USF3: variants seen among roughly 807,000 people sequenced by gnomAD.
The protein encoded by USF3 is upstream transcription factor family member 3.
In USF3, 29 loss-of-function variants were observed where a neutral mutation model predicts 157.5. The observed-to-expected ratio is 0.18, with a 90% CI of 0.14 to 0.25. USF3 has a LOEUF of 0.25. Ranked by LOEUF, USF3 falls within the 10% of genes least tolerant of loss-of-function variation. The pLI is 1.00. For synonymous variants in USF3, 893 were observed against 941.4 expected, an observed-to-expected ratio of 0.95 and a Z score of 0.94; for missense variants, 2,381 against 2,667.6, an observed-to-expected ratio of 0.89 and a Z score of 2.37.
In USF3 at chr3:113,649,712, T is replaced by C. The variant is rs1208001270; in HGVS notation, c.*5232A>G. 6.3e-6 allele frequency: 4 copies of C among 636,382 alleles called. No individual in the cohort carries two copies. The highest frequency in any genetic ancestry group is 2.8e-6 in the Non-Finnish European group (1 of 357,212). 39.4% of individuals were successfully genotyped at this position (636,382 alleles called of 1,614,324 possible). A position where few individuals can be genotyped will look rare whatever the true frequency, so the allele number is the denominator to read the frequency against. ...TAAAGACCAGAGGCACAGTTTCAGG[T>C]AAAGTGCAGGAACAGGGTAGAGGCT... is the stretch of plus-strand genomic sequence containing the variant. On this transcript the variant is annotated 3_prime_UTR_variant, in exon 7 of 7. Coordinates refer to ENST00000316407, the MANE Select transcript of USF3 (RefSeq NM_001009899.4).
intron 1 of USF3, among the ~76,000 whole-genome samples, chr3:113,695,903 G>A (rs906686590): frequency 1.3e-5 from 2 of 152,198 alleles, no homozygotes; most frequent in Non-Finnish European, 2.9e-5. Flanking sequence ...AGGGGTGAGA[G>A]GGAAAAAGCA....
At chr3:113,694,383 T>C (rs1427280465) in intron 1 of USF3, among the ~76,000 whole-genome samples, 1 of 152,194 alleles carries the variant, frequency 6.6e-6, no homozygotes, top group Admixed American at 6.5e-5. Flanking sequence ...GTTCATTGAG[T>C]GTAAGGTCTA....
At chr3:113,685,085 G>C (rs1285546659) in intron 1 of USF3, among the ~76,000 whole-genome samples, 1 of 152,214 alleles carries the variant, frequency 6.6e-6, no homozygotes, top group Non-Finnish European at 1.5e-5. Context: ...GCACTCCCAA[G>C]TCCAGTAATG....
In USF3 at chr3:113,656,715, G is replaced by T; in HGVS notation, c.4967C>A (p.Thr1656Asn). 6.2e-7 allele frequency: 1 copy of T among 1,614,104 alleles called. No individual in the cohort carries two copies. Among genetic ancestry groups the T allele is most frequent in the Non-Finnish European group, 8.5e-7 (1 of 1,179,992 alleles). ...TCTATTTCTCTCTGGCCTGTGTGGA[G>T]TACAGGTCATGTCTGAAGATCTAGT... ...IVTRSSDMTC[T>N]PHRPERNRVS... The change falls in exon 7 of 7, where the codon ACT becomes AAT. Residue 1656 changes from threonine (T) to asparagine (N), a missense_variant. Physicochemically the swap from Thr to Asn is moderately conservative, Grantham distance 65 (BLOSUM62 0). Around this residue, in one of 6 missense-constraint regions of USF3, gnomAD observed 770 missense variants for 824.2 expected, o/e 0.93. Coordinates refer to ENST00000316407, the MANE Select transcript of USF3 (RefSeq NM_001009899.4).
chr3:113,674,529 G>A (rs572071836), intron 3 of USF3, among the ~76,000 whole-genome samples: 35 of 152,216 alleles, frequency 2.3e-4, no homozygotes, highest in South Asian at 2.1e-3. Flanking sequence ...TTTTAGTAGA[G>A]ATGGGGTTTC....
intron 5 of USF3, among the ~76,000 whole-genome samples, chr3:113,665,542 C>A (rs1483369452): frequency 6.6e-6 from 1 of 152,148 alleles, no homozygotes; most frequent in East Asian, 1.9e-4. Context: ...AAAACTCAGA[C>A]AAGGCCAGGC....
At position 113,655,833 on chromosome 3, in the gene USF3, G is replaced by A. The variant is rs913882021; in HGVS notation, c.5849C>T (p.Ala1950Val). The A allele has an allele frequency of 2.5e-6, 4 of 1,614,048 alleles. No homozygotes were observed. The highest frequency in any genetic ancestry group is 1.1e-5 in the South Asian group (1 of 91,090). ...TTNMHGVARP[A>V]LPHPSVSHGN... is the part of the protein sequence containing the mutation. ...ATGAGACACAGATGGATGTGGCAAC[G>A]CTGGCCTTGCAACCCCATGCATGTT... Residue 1950 changes from alanine (A) to valine (V), a missense_variant, in exon 7 of 7, where the codon GCG (alanine) becomes GTG (valine). By Grantham distance (64) the Ala-to-Val change is moderately conservative. This residue lies in a region of USF3 where 770 missense variants were observed against 824.2 expected (regional missense o/e 0.93). Coordinates refer to ENST00000316407, the MANE Select transcript of USF3 (RefSeq NM_001009899.4).
chr3:113,689,643 T>C (rs1332729122), intron 1 of USF3, among the ~76,000 whole-genome samples: 1 of 152,176 alleles, frequency 6.6e-6, no homozygotes, highest in Non-Finnish European at 1.5e-5. Context: ...ACAAGTCTAT[T>C]TCTCTCCTCA....
rs753478181 is a variant in USF3 at position 113,659,495 on chromosome 3, C to A, written c.2187G>T (p.Leu729Phe). ...SQMAGQSCVQ[L>F]SISQPANSQT... ...GAGAATTGGCAGGCTGGCTAATAGA[C>A]AATTGTACACAGCTTTGCCCAGCCA... The change falls in exon 7 of 7, where the codon TTG (leucine) becomes TTT (phenylalanine). Residue 729 changes from leucine to phenylalanine, a missense_variant. Around this residue, in one of 6 missense-constraint regions of USF3, gnomAD observed 1,435 missense variants for 1,550.9 expected, o/e 0.93. Coordinates refer to ENST00000316407, the MANE Select transcript of USF3 (RefSeq NM_001009899.4). The A allele has an allele frequency of 6.2e-7, 1 of 1,614,186 alleles. No homozygotes were observed. Among genetic ancestry groups the A allele is most frequent in the Non-Finnish European group, 8.5e-7 (1 of 1,180,032 alleles).
intron 5 of USF3, among the ~76,000 whole-genome samples, chr3:113,668,970 C>G (rs1039481166): frequency 2.0e-5 from 3 of 151,940 alleles, no homozygotes; most frequent in Admixed American, 1.3e-4. Context: ...TTTGACCTTA[C>G]AGAAAACTCT....
In USF3 at chr3:113,652,593, T is replaced by C. The variant is rs1947283487; in HGVS notation, c.*2351A>G. 1 of 151,190 alleles carries C rather than the reference T, an allele frequency of 6.6e-6. No individual in the cohort carries two copies. Among genetic ancestry groups the C allele is most frequent in the Non-Finnish European group, 1.5e-5 (1 of 67,862 alleles). The allele number at this position is 151,190 out of a possible 1,614,324, so 9.4% of individuals were successfully genotyped here. ...AGGCACAAATGACCCTTTTGCTGAG[T>C]CTTTAGAAGAGGTATTCACTGGAGT... On this transcript the variant is annotated 3_prime_UTR_variant, in exon 7 of 7. Transcript: ENST00000316407.
intron 6 of USF3, among the ~76,000 whole-genome samples, chr3:113,662,099 G>T (rs1236156878): frequency 3.3e-5 from 5 of 152,214 alleles, no homozygotes; most frequent in African/African-American, 1.2e-4. Context: ...TGCCTGCCTT[G>T]GCCTCCCAAA....
chr3:113,658,341 C>T lies in USF3; in HGVS notation c.3341G>A (p.Ser1114Asn). The change falls in exon 7 of 7, where the codon AGC becomes AAC. Residue 1114 changes from serine to asparagine, a missense_variant. By Grantham distance (46) the Ser-to-Asn change is conservative. Coordinates refer to ENST00000316407, the MANE Select transcript of USF3 (RefSeq NM_001009899.4). ...GTCACATGTATTAGTTGTTGCATTG[C>T]TGGTCACATCTTCTCTTGTTGTTTC... ...LPETTREDVTSNATTNTCDSC... is the reference protein window; with the variant it reads ...LPETTREDVTNNATTNTCDSC... 2 of 1,614,148 alleles carry T rather than the reference C, an allele frequency of 1.2e-6. No homozygotes were observed. The highest frequency in any genetic ancestry group is 1.7e-5 in the Admixed American group (1 of 60,018).
chr3:113,656,279 T>G lies in USF3; in HGVS notation c.5403A>C (p.Pro1801=). The G allele has an allele frequency of 6.2e-7, 1 of 1,614,212 alleles. No individual in the cohort carries two copies. Among genetic ancestry groups the G allele is most frequent in the Non-Finnish European group, 8.5e-7 (1 of 1,180,032 alleles). ...CCCTTGATGGAATACCATTTCCTGT[T>G]GGGATGCTCTGAACTGGTGGGTAAG... ...RLSYPPVQSI[P]TGNGIPSRDS... The change falls in exon 7 of 7, where the codon CCA becomes CCC. Residue 1801 remains proline, a synonymous_variant. Coordinates refer to ENST00000316407, the MANE Select transcript of USF3 (RefSeq NM_001009899.4).
chr3:113,658,416 G>A lies in USF3; in HGVS notation c.3266C>T (p.Ser1089Leu). 1.9e-6 allele frequency: 3 copies of A among 1,614,138 alleles called. No homozygotes were observed. Among genetic ancestry groups the A allele is most frequent in the Non-Finnish European group, 2.5e-6 (3 of 1,180,044 alleles). Residue 1089 changes from serine to leucine, a missense_variant, in exon 7 of 7, where the codon TCA becomes TTA. This residue lies in a region of USF3 where 1,435 missense variants were observed against 1,550.9 expected (regional missense o/e 0.93). Transcript: ENST00000316407. ...ACTACGACTACTGCCAGAGCTGGTT[G>A]ACATGGGAGAGTCGGCCTGTCTACC... ...INGRQADSPMSTSSGSSRSFS... is the reference protein window; with the variant it reads ...INGRQADSPMLTSSGSSRSFS...
rs992623643 is a variant in USF3 at position 113,658,366 on chromosome 3, C to G, written c.3316G>C (p.Glu1106Gln). 15 of 1,613,984 alleles carry G rather than the reference C, an allele frequency of 9.3e-6. No homozygotes were observed. The Admixed American group carries it at 1.8e-4, about 20-fold the overall frequency. ...CTGGTCACATCTTCTCTTGTTGTTT[C>G]AGGAAGCATGGATGCAACTGAGAAA... The part of the protein sequence containing the change: ...RSFSVASMLP[E>Q]TTREDVTSNA... The change falls in exon 7 of 7, where the codon GAA becomes CAA. Residue 1106 changes from glutamate to glutamine, a missense_variant. Physicochemically the swap from Glu to Gln is conservative, Grantham distance 29. Around this residue, in one of 6 missense-constraint regions of USF3, gnomAD observed 1,435 missense variants for 1,550.9 expected, o/e 0.93. Transcript: ENST00000316407.
chr3:113,667,700 C>T (rs934213452), intron 5 of USF3, among the ~76,000 whole-genome samples: 4 of 152,036 alleles, frequency 2.6e-5, no homozygotes, highest in Non-Finnish European at 2.9e-5. Context: ...AACCCCATCT[C>T]TACTAAAAAT....
rs1037898495 is a variant in USF3 at position 113,648,529 on chromosome 3, A to G, written c.*6415T>C. On this transcript the variant is annotated 3_prime_UTR_variant, in exon 7 of 7. Coordinates refer to ENST00000316407, the MANE Select transcript of USF3 (RefSeq NM_001009899.4). ...AACAAGAGGATGGTTCAGAATATTCACACCCTAATACAATGCATTTGTAAA... is the reference window on the plus strand; with the variant it reads ...AACAAGAGGATGGTTCAGAATATTCGCACCCTAATACAATGCATTTGTAAA... The G allele has an allele frequency of 1.3e-5, 2 of 152,668 alleles. No homozygotes were observed. The highest frequency in any genetic ancestry group is 4.8e-5 in the African/African-American group (2 of 41,474). 9.5% of individuals were successfully genotyped at this position (152,668 alleles called of 1,614,324 possible).
intron 5 of USF3, among the ~76,000 whole-genome samples, chr3:113,667,919 A>C (rs751021789): frequency 3.9e-5 from 6 of 152,108 alleles, no homozygotes; most frequent in Non-Finnish European, 8.8e-5. Flanking sequence ...TGGAAGTCTA[A>C]GTCCATCCTA....
Sources: allele counts gnomAD v4.1 joint callset (sites outside exome capture counted in the v4.1 genomes callset), GRCh38; gene constraint gnomAD v4.1.1; regional missense constraint gnomAD v4.1.1; transcripts MANE v1.5; gene names NCBI Gene and HGNC (gene_info 2026-07-23, HGNC 2026-07-21).